The following BUB1B variants were observed in gnomAD, a reference collection of about 807,000 sequenced individuals.
BUB1B encodes mitotic checkpoint serine/threonine-protein kinase BUB1 beta.
In BUB1B, 86 loss-of-function variants were observed where a neutral mutation model predicts 137.7. The ratio of observed to expected loss-of-function variants is 0.62; its 90% CI spans 0.52 to 0.75. BUB1B has a LOEUF of 0.75. Among genes scored for constraint, BUB1B ranks in the 30% least tolerant of loss-of-function variants. The pLI is 0.00. For missense variants in BUB1B, 1,130 were observed against 1,236.9 expected (o/e 0.91, Z 1.30); for synonymous variants, 420 against 417.9 (o/e 1.00, Z -0.06).
chr15:40,178,540 T>A (rs1266102254), intron 5 of BUB1B, among the ~76,000 whole-genome samples: 1 of 152,142 alleles, frequency 6.6e-6, no homozygotes, highest in African/African-American at 2.4e-5. Flanking sequence ...TATTCTGTTT[T>A]TTAGAGTGTA....
At chr15:40,206,144 T>A in intron 14 of BUB1B, 40 bp from the exon 15 acceptor site, 1 of 1,609,632 alleles carries the variant, frequency 6.2e-7, no homozygotes, top group Non-Finnish European at 8.5e-7. Flanking sequence ...CTTCATGTAT[T>A]GAAATATTTT....
At chr15:40,218,308 C>T (rs1595539903) in intron 21 of BUB1B, 148 bp from the exon 22 acceptor site, 2 of 689,802 alleles carry the variant, frequency 2.9e-6, no homozygotes, top group Non-Finnish European at 2.6e-6. Context: ...TCTCCCTTTA[C>T]TGTAAGGGTG....
chr15:40,206,522 T>A, intron 15 of BUB1B, 64 bp downstream of exon 15: 7 of 1,595,750 alleles, frequency 4.4e-6, no homozygotes, highest in Non-Finnish European at 6.0e-6. Context: ...CATGTGCTTG[T>A]CAGTTACAGT....
At chr15:40,217,371 A>T in intron 20 of BUB1B, 125 bp from the exon 21 acceptor site, 1 of 987,410 alleles carries the variant, frequency 1.0e-6, no homozygotes, top group Admixed American at 2.0e-5. Flanking sequence ...TTCAAAATTA[A>T]CCACTGGAGG....
intron 12 of BUB1B, 30 bp from the exon 13 acceptor site, chr15:40,202,375 A>G (rs766128267): frequency 1.3e-6 from 2 of 1,552,314 alleles, no homozygotes; most frequent in Admixed American, 1.7e-5. Flanking sequence ...ATTTACTCCT[A>G]GAGTATGTAT....
chr15:40,173,352 ATCCC>A (rs1260729626), intron 4 of BUB1B, among the ~76,000 whole-genome samples: 1 of 151,620 alleles, frequency 6.6e-6, no homozygotes, highest in Non-Finnish European at 1.5e-5. Context: ...GTGACTTTTA[ATCCC>A]AGGATTCTAT....
intron 18 of BUB1B, among the ~76,000 whole-genome samples, chr15:40,212,234 A>G (rs1163052687): frequency 6.6e-6 from 1 of 152,220 alleles, no homozygotes; most frequent in Non-Finnish European, 1.5e-5. Context: ...AGTATAGGAA[A>G]ATAGCCTTGT....
In BUB1B at chr15:40,183,889, T is replaced by A; in HGVS notation, c.751+6T>A. The A allele has an allele frequency of 3.1e-6, 5 of 1,613,812 alleles. No homozygotes were observed. The highest frequency in any genetic ancestry group is 4.2e-6 in the Non-Finnish European group (5 of 1,179,830). ...TGTAGGAGGTGCTCTCAAGGGTAAG[T>A]TTGTTAAACGTTATTTCGGAAAACT... On this transcript the variant is annotated splice_donor_region_variant and intron_variant, in intron 6 of 22. Transcript: ENST00000287598.
rs997155754 is a variant in BUB1B at position 40,182,011 on chromosome 15, C to T, written c.582-1703C>T. On this transcript the variant is annotated intron_variant, in intron 5 of 22. Coordinates refer to ENST00000287598, the MANE Select transcript of BUB1B (RefSeq NM_001211.6). ...TTGAGGTCAGCAGTTTGAGACCAGCCTGGCCAATATGGTGAAACTCTGTCT... is the reference window on the plus strand; with the variant it reads ...TTGAGGTCAGCAGTTTGAGACCAGCTTGGCCAATATGGTGAAACTCTGTCT... 3.3e-5 allele frequency among the ~76,000 whole-genome samples: 5 copies of T among 152,248 alleles called. No homozygotes were observed. In the South Asian group the frequency reaches 1.0e-3, roughly 31 times the overall value.
chr15:40,202,903 G>A (rs185128668), intron 14 of BUB1B, among the ~76,000 whole-genome samples: 191 of 152,252 alleles, frequency 1.3e-3, no homozygotes, highest in African/African-American at 4.3e-3. Context: ...AAAAAATTAC[G>A]CACAGTAACA....
At position 40,170,555 on chromosome 15, in the gene BUB1B, G is replaced by A; in HGVS notation, c.258G>A (p.Glu86=). The A allele has an allele frequency of 6.2e-7, 1 of 1,613,664 alleles. No homozygotes were observed. The highest frequency in any genetic ancestry group is 8.5e-7 in the Non-Finnish European group (1 of 1,179,632). ...CATTTAGGTATATCAGCTGGACAGAGCAGAACTATCCTCAAGGTGGGAAGG... is the reference window on the plus strand; with the variant it reads ...CATTTAGGTATATCAGCTGGACAGAACAGAACTATCCTCAAGGTGGGAAGG... The part of the protein sequence containing the change: ...DVWDRYISWT[E]QNYPQGGKES... The change falls in exon 4 of 23, where the codon GAG becomes GAA. Residue 86 remains glutamate, a synonymous_variant. Coordinates refer to ENST00000287598, the MANE Select transcript of BUB1B (RefSeq NM_001211.6).
At chr15:40,206,900 C>T (rs2037644473) in intron 15 of BUB1B, among the ~76,000 whole-genome samples, 1 of 152,022 alleles carries the variant, frequency 6.6e-6, no homozygotes, top group African/African-American at 2.4e-5. Flanking sequence ...ACCTCCGTCT[C>T]CCGGGTTCAA....
At chr15:40,171,635 G>A (rs2037164055) in intron 4 of BUB1B, among the ~76,000 whole-genome samples, 2 of 152,176 alleles carry the variant, frequency 1.3e-5, no homozygotes, top group South Asian at 4.1e-4. Context: ...GCAGCAGTGT[G>A]GTTGTTTGGG....
At chr15:40,212,806 A>G (rs2037731149) in intron 19 of BUB1B, among the ~76,000 whole-genome samples, 158 bp downstream of exon 19, 1 of 152,212 alleles carries the variant, frequency 6.6e-6, no homozygotes. Flanking sequence ...TATTTTGACC[A>G]AAGATCTCTT....
At chr15:40,180,247 G>GT (rs1566818628) in intron 5 of BUB1B, among the ~76,000 whole-genome samples, 2 of 108,836 alleles carry the variant, frequency 1.8e-5, no homozygotes, top group Non-Finnish European at 3.5e-5. Flanking sequence ...TCAACGTTTC[G>GT]TTTCTTTTTT....
At chr15:40,197,669 G>A (rs919763066) in intron 9 of BUB1B, among the ~76,000 whole-genome samples, 5 of 152,162 alleles carry the variant, frequency 3.3e-5, no homozygotes, top group Non-Finnish European at 7.3e-5. Flanking sequence ...ATACTTTGAG[G>A]AGCAATCTTT....
chr15:40,216,627 C>T (rs1166345064), intron 20 of BUB1B, among the ~76,000 whole-genome samples: 1 of 134,202 alleles, frequency 7.5e-6, no homozygotes, highest in East Asian at 2.2e-4. Flanking sequence ...AAGGTTGGCT[C>T]TTGTGCCAAG....
chr15:40,208,495 G>A, intron 15 of BUB1B, 142 bp from the exon 16 acceptor site: 1 of 761,100 alleles, frequency 1.3e-6, no homozygotes. Context: ...CCAAGATCAT[G>A]CAGTTGTGCT....
At chr15:40,161,636 G>C (rs1254994555) in intron 1 of BUB1B, among the ~76,000 whole-genome samples, 4 of 152,360 alleles carry the variant, frequency 2.6e-5, no homozygotes, top group African/African-American at 7.2e-5. Flanking sequence ...GGAATTCAAA[G>C]TATTTGTTAA....
Sources: gnomAD v4.1 joint callset for allele counts (sites outside exome capture counted in the v4.1 genomes callset) on GRCh38, gnomAD v4.1.1 for gene constraint, MANE v1.5 for transcripts, NCBI Gene and HGNC (gene_info 2026-07-23, HGNC 2026-07-21) for gene names.